ANKRD18A: variants seen among roughly 807,000 people sequenced by gnomAD.
The protein encoded by ANKRD18A is ankyrin repeat domain 18A.
Under a neutral mutation model 110.6 loss-of-function variants are expected in ANKRD18A, and 72 were observed. The ratio of observed to expected loss-of-function variants is 0.65; its 90% CI spans 0.54 to 0.79. The LOEUF (loss-of-function observed/expected upper bound fraction) is 0.79, where lower values mean the gene tolerates loss of function less well. ANKRD18A is among the 30% of genes least tolerant of loss of function. The pLI, the probability that ANKRD18A is intolerant of heterozygous loss-of-function variation, is 0.00. For missense variants in ANKRD18A, 934 were observed against 1,163.3 expected (o/e 0.80, Z 2.87); for synonymous variants, 305 against 410.3 (o/e 0.74, Z 3.10).
Position 38,615,764 on chromosome 9 carries a change from C to T in ANKRD18A, c.325G>A (p.Val109Ile). The change falls in exon 3 of 16, where the codon GTA (valine) becomes ATA (isoleucine). Residue 109 changes from valine to isoleucine, a missense_variant. Physicochemically the swap from Val to Ile is conservative, Grantham distance 29. This residue lies in a region of ANKRD18A where 630 missense variants were observed against 797.5 expected (regional missense o/e 0.79). Coordinates refer to ENST00000399703, the MANE Select transcript of ANKRD18A (RefSeq NM_147195.4). ...RLNRTPLMKA[V>I]HSQEEACAIV... Reference sequence around the variant, plus strand: ...GCACAAGCCTCTTCCTGGCTGTGTACAGCCTATTAGTGTTAGATAAAAAAC... The same window carrying T: ...GCACAAGCCTCTTCCTGGCTGTGTATAGCCTATTAGTGTTAGATAAAAAAC... 6.2e-7 allele frequency: 1 copy of T among 1,612,610 alleles called. No homozygotes were observed. Among genetic ancestry groups the T allele is most frequent in the Non-Finnish European group, 8.5e-7 (1 of 1,179,674 alleles).
chr9:38,618,569 T>C (rs1248107922), intron 1 of ANKRD18A, among the ~76,000 whole-genome samples: 1 of 152,168 alleles, frequency 6.6e-6, no homozygotes, highest in African/African-American at 2.4e-5. Flanking sequence ...TATACATTTT[T>C]AAAATGTGGT....
In ANKRD18A at chr9:38,595,800, C is replaced by T. The variant is rs1186526577; in HGVS notation, c.1540G>A (p.Ala514Thr). 6.2e-5 allele frequency: 96 copies of T among 1,551,062 alleles called. No individual in the cohort carries two copies. The highest frequency in any genetic ancestry group is 8.1e-5 in the Non-Finnish European group (93 of 1,146,614). Residue 514 changes from alanine (A) to threonine (T), a missense_variant, in exon 9 of 16, where the codon GCA (alanine) becomes ACA (threonine). This residue lies in a region of ANKRD18A where 630 missense variants were observed against 797.5 expected (regional missense o/e 0.79). Coordinates refer to ENST00000399703, the MANE Select transcript of ANKRD18A (RefSeq NM_147195.4). Reference protein sequence around the residue: ...LGSVQLDLRQAQHRIKEMKQM... With the variant: ...LGSVQLDLRQTQHRIKEMKQM... ...TTCATTTCCTTTATTCGATGCTGTG[C>T]TTGCCTTAGGTCCAGCTGTACACTT...
chr9:38,606,936 T>C (rs1242058093), intron 6 of ANKRD18A, among the ~76,000 whole-genome samples: 1 of 152,082 alleles, frequency 6.6e-6, no homozygotes, highest in Non-Finnish European at 1.5e-5. Flanking sequence ...AGATTGAGAA[T>C]TAGCTACAAA....
At chr9:38,611,147 G>T in intron 4 of ANKRD18A, 68 bp downstream of exon 4, 1 of 1,473,810 alleles carries the variant, frequency 6.8e-7, no homozygotes, top group South Asian at 1.4e-5. Context: ...TGACTTGAGT[G>T]ACTGTTACCG....
intron 12 of ANKRD18A, among the ~76,000 whole-genome samples, chr9:38,580,711 A>G (rs10973922): frequency 0.25 from 38,142 of 149,796 alleles, 5,313 homozygotes; most frequent in East Asian, 0.45. Context: ...GCCCATAATT[A>G]TGTATATACA....
intron 8 of ANKRD18A, among the ~76,000 whole-genome samples, chr9:38,600,232 G>A (rs927304561): frequency 1.3e-5 from 2 of 152,210 alleles, no homozygotes; most frequent in African/African-American, 2.4e-5. Context: ...GTTCACAGAT[G>A]ATATGTAGTA....
rs142279300 is a variant in ANKRD18A at position 38,592,369 on chromosome 9, T to G, written c.2004+1391A>C. On this transcript the variant is annotated intron_variant, in intron 10 of 15. Transcript: ENST00000399703. ...ATCTTCCATTAAAAATGAAAAGCCA[T>G]GTCAAATTAAGGGCTAAGTTGTTCT... 8.7e-3 allele frequency among the ~76,000 whole-genome samples: 1,321 copies of G among 152,328 alleles called. 15 individuals carry two copies. Among genetic ancestry groups the G allele is most frequent in the African/African-American group, 0.03 (1,243 of 41,564 alleles).
At chr9:38,571,257 T>C, downstream of ANKRD18A, 1 of 1,463,110 alleles carries the variant, frequency 6.8e-7, no homozygotes, top group Non-Finnish European at 9.0e-7. Context: ...AGTAAAAAAG[T>C]GCTGACAGAA....
chr9:38,567,855 A>G (rs1340577376), downstream of ANKRD18A: 6 of 152,134 alleles, frequency 3.9e-5, no homozygotes, highest in Admixed American at 3.3e-4. Context: ...ATCTGCTTGC[A>G]TGTCAACTCA....
At chr9:38,567,863 T>A (rs936301492), downstream of ANKRD18A, 2 of 152,196 alleles carry the variant, frequency 1.3e-5, no homozygotes, top group Admixed American at 1.3e-4. Context: ...GCATGTCAAC[T>A]CATTGGCTGA....
At chr9:38,568,696 A>G, downstream of ANKRD18A, 1 of 974,940 alleles carries the variant, frequency 1.0e-6, no homozygotes, top group Non-Finnish European at 1.2e-6. Context: ...GGGTACTGAC[A>G]CCCTGCTCTG....
intron 15 of ANKRD18A, chr9:38,573,140 T>TAAA (rs766399987): frequency 1.3e-5 from 15 of 1,187,994 alleles, no homozygotes; most frequent in Admixed American, 3.3e-5. Context: ...CTAAAATAAG[T>TAAA]AAATAATAAT....
At chr9:38,605,953 A>T (rs7040966) in intron 6 of ANKRD18A, among the ~76,000 whole-genome samples, 48,567 of 151,724 alleles carry the variant, frequency 0.32, 9,281 homozygotes, top group African/African-American at 0.52. Flanking sequence ...CTATTATTAT[A>T]ATAATTATCC....
At chr9:38,596,964 A>T in intron 8 of ANKRD18A, among the ~76,000 whole-genome samples, 1 of 152,184 alleles carries the variant, frequency 6.6e-6, no homozygotes, top group Admixed American at 6.6e-5. Context: ...ACATACATAC[A>T]TTGATGAACT....
chr9:38,569,546 G>C (rs987181246), downstream of ANKRD18A: 1 of 761,318 alleles, frequency 1.3e-6, no homozygotes, highest in Non-Finnish European at 1.6e-6. Flanking sequence ...TGACATTGTG[G>C]GGTGACACAA....
chr9:38,603,170 T>A lies in ANKRD18A; in HGVS notation c.851A>T (p.Glu284Val), dbSNP rs1210280260. 1.3e-6 allele frequency: 2 copies of A among 1,551,030 alleles called. No homozygotes were observed. The highest frequency in any genetic ancestry group is 3.9e-5 in the Admixed American group (2 of 50,968). ...MKPANLKKRK[E>V]RAKAEHNLKV... ...CTCAAGTGTCTTACCTTTTGCACGTTCTTTTCTTTTTTTCAAATTTGCAGG... is the reference window on the plus strand; with the variant it reads ...CTCAAGTGTCTTACCTTTTGCACGTACTTTTCTTTTTTTCAAATTTGCAGG... Residue 284 changes from glutamate (E) to valine (V), a missense_variant, in exon 7 of 16, where the codon GAA becomes GTA. Transcript: ENST00000399703.
Position 38,575,762 on chromosome 9 carries a change from T to A in ANKRD18A, c.2742-64A>T, listed in dbSNP as rs530716353. 5 of 1,471,712 alleles carry A rather than the reference T, an allele frequency of 3.4e-6. No individual in the cohort carries two copies. In the South Asian group the frequency reaches 7.0e-5, roughly 20 times the overall value. 91.2% of individuals were successfully genotyped at this position (1,471,712 alleles called of 1,614,324 possible). On this transcript the variant is annotated intron_variant, in intron 14 of 15. Transcript: ENST00000399703. ...TTTCCTTGAATGATTCTTAATGACT[T>A]GCATTTTTTAAAAAGTTGCCCTGAG...
rs150649553 is a variant in ANKRD18A, at chr9:38,582,662, G to T, written c.2247+3521C>A. The stretch of plus-strand genomic sequence containing the variant: ...ATGTGCAAAAAAAATTACAAAGTTG[G>T]ACTCTCACCTAATACCATATTTAAA... On this transcript the variant is annotated intron_variant, in intron 12 of 15. Coordinates refer to ENST00000399703, the MANE Select transcript of ANKRD18A (RefSeq NM_147195.4). Among the ~76,000 whole-genome samples, 1,463 of 152,244 alleles carry T rather than the reference G, an allele frequency of 9.6e-3. 17 individuals carry two copies. The highest frequency in any genetic ancestry group is 0.024 in the Middle Eastern group (7 of 294).
chr9:38,587,457 T>A (rs1204023022), intron 11 of ANKRD18A, among the ~76,000 whole-genome samples: 1 of 152,162 alleles, frequency 6.6e-6, no homozygotes, highest in Non-Finnish European at 1.5e-5. Context: ...TTTTTATATA[T>A]AAAATTTATT....
Sources: gnomAD v4.1 joint callset for allele counts (sites outside exome capture counted in the v4.1 genomes callset) on GRCh38, gnomAD v4.1.1 for gene constraint, gnomAD v4.1.1 regional missense constraint, MANE v1.5 for transcripts, NCBI Gene and HGNC (gene_info 2026-07-23, HGNC 2026-07-21) for gene names.